TANGO6: variants seen among roughly 807,000 people sequenced by gnomAD.
TANGO6 encodes transport and Golgi organization protein 6 homolog.
TANGO6 carries 90 observed loss-of-function variants against 114.2 expected under a neutral mutation model. That is an observed-to-expected ratio of 0.79 (90% CI 0.66 to 0.94). TANGO6 has a LOEUF of 0.94. Among genes scored for constraint, TANGO6 ranks in the 40% least tolerant of loss-of-function variants. TANGO6 has a pLI of 0.00. For synonymous variants in TANGO6, 477 were observed against 509.8 expected, an observed-to-expected ratio of 0.94 and a Z score of 0.87; for missense variants, 1,274 against 1,315.3, an observed-to-expected ratio of 0.97 and a Z score of 0.49.
At chr16:68,963,255 G>C (rs1963612585) in intron 14 of TANGO6, among the ~76,000 whole-genome samples, 1 of 151,964 alleles carries the variant, frequency 6.6e-6, no homozygotes, top group South Asian at 2.1e-4. Context: ...CATAGTAGCT[G>C]GGATTACAGA....
chr16:68,996,090 G>GCCC (rs1963986730), intron 15 of TANGO6, among the ~76,000 whole-genome samples: 4 of 152,154 alleles, frequency 2.6e-5, no homozygotes, highest in African/African-American at 7.2e-5. Context: ...TCCCTCTTCT[G>GCCC]TTCATAAAGG....
At chr16:68,851,218 G>C (rs1596987372) in intron 1 of TANGO6, among the ~76,000 whole-genome samples, 1 of 152,004 alleles carries the variant, frequency 6.6e-6, no homozygotes, top group Non-Finnish European at 1.5e-5. Context: ...GGAGTGCAGT[G>C]GCGCAATCTC....
chr16:68,958,776 A>AT (rs1363968800), intron 14 of TANGO6, among the ~76,000 whole-genome samples: 1 of 151,780 alleles, frequency 6.6e-6, no homozygotes, highest in Non-Finnish European at 1.5e-5. Flanking sequence ...TCTACGAAGC[A>AT]TTTTTTAATA....
chr16:68,903,957 A>G (rs1053445305), intron 9 of TANGO6, among the ~76,000 whole-genome samples: 2 of 152,116 alleles, frequency 1.3e-5, no homozygotes, highest in East Asian at 1.9e-4. Flanking sequence ...AAGAAACTCT[A>G]TAAGAGCAGC....
At chr16:69,062,688 G>A (rs894508750) in intron 17 of TANGO6, among the ~76,000 whole-genome samples, 13 of 150,088 alleles carry the variant, frequency 8.7e-5, no homozygotes, top group African/African-American at 3.2e-4. Flanking sequence ...GGCGAGGCTG[G>A]TCTGGAACCA....
At chr16:68,984,038 G>GAAAAAAAA (rs1165109764) in intron 15 of TANGO6, among the ~76,000 whole-genome samples, 1 of 73,280 alleles carries the variant, frequency 1.4e-5, no homozygotes, top group East Asian at 4.3e-4. Context: ...GTCTCAAAAA[G>GAAAAAAAA]AAAAAAAAAA....
intron 17 of TANGO6, among the ~76,000 whole-genome samples, chr16:69,054,709 G>A (rs965874440): frequency 2.0e-5 from 3 of 151,780 alleles, no homozygotes; most frequent in African/African-American, 4.8e-5. Context: ...CAAGGTGGGC[G>A]GATCACGAGG....
intron 1 of TANGO6, among the ~76,000 whole-genome samples, chr16:68,852,520 G>A (rs1166202435): frequency 6.6e-6 from 1 of 151,992 alleles, no homozygotes; most frequent in Non-Finnish European, 1.5e-5. Context: ...TTTTATTATG[G>A]TTTTCTAAAC....
intron 2 of TANGO6, 22 bp from the exon 3 acceptor site, chr16:68,862,923 G>T (rs770491685): frequency 6.6e-7 from 1 of 1,513,464 alleles, no homozygotes; most frequent in Non-Finnish European, 9.0e-7. Context: ...TTCCACTAAA[G>T]CCAAGTGCAT....
At chr16:69,041,012 G>T (rs994881102) in intron 17 of TANGO6, among the ~76,000 whole-genome samples, 1 of 151,800 alleles carries the variant, frequency 6.6e-6, no homozygotes, top group Non-Finnish European at 1.5e-5. Context: ...ATTAATTTTC[G>T]TCTTGATTTT....
intron 4 of TANGO6, among the ~76,000 whole-genome samples, chr16:68,869,370 G>C (rs112781123): frequency 0.098 from 14,845 of 152,200 alleles, 819 homozygotes; most frequent in Non-Finnish European, 0.13. Flanking sequence ...TCCAGCTACT[G>C]AGGTGGCTGA....
intron 3 of TANGO6, among the ~76,000 whole-genome samples, chr16:68,863,709 A>C (rs530305563): frequency 4.1e-4 from 62 of 152,260 alleles, no homozygotes; most frequent in Admixed American, 1.2e-3. Context: ...TTGACAAAAC[A>C]TTCTTTTAGC....
At chr16:68,969,286 A>G (rs1963680046) in intron 14 of TANGO6, among the ~76,000 whole-genome samples, 1 of 152,210 alleles carries the variant, frequency 6.6e-6, no homozygotes, top group Admixed American at 6.5e-5. Context: ...GCCCATGGTC[A>G]TGTGAAGGTT....
intron 7 of TANGO6, among the ~76,000 whole-genome samples, chr16:68,888,034 G>A (rs572780188): frequency 1.3e-5 from 2 of 152,324 alleles, no homozygotes; most frequent in South Asian, 2.1e-4. Flanking sequence ...GCTCTGGGGG[G>A]CCAGGAGGAA....
chr16:68,882,972 T>C (rs1962486287), intron 7 of TANGO6, among the ~76,000 whole-genome samples: 1 of 152,138 alleles, frequency 6.6e-6, no homozygotes, highest in Non-Finnish European at 1.5e-5. Flanking sequence ...GAGCCGAGAT[T>C]GTGCCACTGT....
intron 13 of TANGO6, among the ~76,000 whole-genome samples, chr16:68,929,293 CCTT>C (rs991135797): frequency 6.6e-6 from 1 of 152,150 alleles, no homozygotes; most frequent in African/African-American, 2.4e-5. Flanking sequence ...CTTAATTAAA[CCTT>C]CTTCTGCTGT....
intron 1 of TANGO6, among the ~76,000 whole-genome samples, chr16:68,853,030 A>G (rs910072569): frequency 6.6e-6 from 1 of 152,204 alleles, no homozygotes; most frequent in Non-Finnish European, 1.5e-5. Context: ...TTTTAGCCAT[A>G]AACACTTCAG....
chr16:69,070,227 A>C (rs534485615), intron 17 of TANGO6, among the ~76,000 whole-genome samples: 16 of 152,182 alleles, frequency 1.1e-4, no homozygotes, highest in African/African-American at 3.9e-4. Context: ...GAAAAAGAAA[A>C]GAAAAGAAAG....
intron 3 of TANGO6, among the ~76,000 whole-genome samples, chr16:68,865,802 C>T (rs1411989170): frequency 6.6e-6 from 1 of 151,426 alleles, no homozygotes; most frequent in Non-Finnish European, 1.5e-5. Flanking sequence ...CCTGTAGTCC[C>T]AGCTACTCAG....
Sources: allele counts gnomAD v4.1 joint callset (sites outside exome capture counted in the v4.1 genomes callset), GRCh38; gene constraint gnomAD v4.1.1; transcripts MANE v1.5; gene names NCBI Gene and HGNC (gene_info 2026-07-23, HGNC 2026-07-21).